TEC: variants seen among roughly 807,000 people sequenced by gnomAD.
TEC encodes tec protein tyrosine kinase.
Under a neutral mutation model 93.0 loss-of-function variants are expected in TEC, and 72 were observed. The ratio of observed to expected loss-of-function variants is 0.77; its 90% confidence interval spans 0.64 to 0.94. The LOEUF (loss-of-function observed/expected upper bound fraction) is 0.94, where lower values mean the gene tolerates loss of function less well. Among genes scored for constraint, TEC ranks in the 40% least tolerant of loss-of-function variants. The pLI is 0.00. For synonymous variants in TEC, 249 were observed against 247.7 expected (o/e 1.01, Z -0.05); for missense variants, 630 against 757.9 (o/e 0.83, Z 1.98).
At chr4:48,168,659 T>C in intron 5 of TEC, 33 bp from the exon 6 acceptor site, 2 of 1,593,016 alleles carry the variant, frequency 1.3e-6, no homozygotes, top group Non-Finnish European at 1.7e-6. Context: ...CAGATTAAAA[T>C]GCTATCTACC....
intron 2 of TEC, among the ~76,000 whole-genome samples, chr4:48,204,880 C>T (rs1421208625): frequency 6.6e-6 from 1 of 152,174 alleles, no homozygotes; most frequent in Non-Finnish European, 1.5e-5. Flanking sequence ...GCACCGAAAC[C>T]GGTACCAGTC....
chr4:48,252,895 C>T (rs1462238868), intron 1 of TEC, among the ~76,000 whole-genome samples: 1 of 152,204 alleles, frequency 6.6e-6, no homozygotes, highest in Non-Finnish European at 1.5e-5. Context: ...ACATTTACTG[C>T]ATGCTTGTTG....
At chr4:48,154,356 T>G (rs1385439881) in intron 9 of TEC, among the ~76,000 whole-genome samples, 1 of 152,246 alleles carries the variant, frequency 6.6e-6, no homozygotes, top group Non-Finnish European at 1.5e-5. Flanking sequence ...CTGCTGCTTC[T>G]GTGACCTTCT....
intron 2 of TEC, among the ~76,000 whole-genome samples, chr4:48,180,357 G>C (rs1224100050): frequency 6.6e-6 from 1 of 152,114 alleles, no homozygotes; most frequent in African/African-American, 2.4e-5. Context: ...GCACCATGCT[G>C]AGTGCTGGAG....
At chr4:48,216,243 G>GTA (rs1723073806) in intron 2 of TEC, among the ~76,000 whole-genome samples, 1 of 97,414 alleles carries the variant, frequency 1.0e-5, no homozygotes, top group Admixed American at 1.1e-4. Flanking sequence ...CTACGCCCCA[G>GTA]GAAAAAAAAA....
intron 4 of TEC, 127 bp downstream of exon 4, chr4:48,171,241 G>T (rs1426785441): frequency 2.7e-6 from 2 of 739,054 alleles, no homozygotes; most frequent in Non-Finnish European, 2.1e-6. Flanking sequence ...CATATCCTTG[G>T]AGAAACACTT....
At chr4:48,232,204 G>A (rs981819583) in intron 1 of TEC, among the ~76,000 whole-genome samples, 4 of 152,032 alleles carry the variant, frequency 2.6e-5, no homozygotes, top group South Asian at 2.1e-4. Context: ...CAGGAGAATC[G>A]TTTGAACCGG....
At chr4:48,265,704 G>A (rs1159306825) in intron 1 of TEC, among the ~76,000 whole-genome samples, 1 of 151,864 alleles carries the variant, frequency 6.6e-6, no homozygotes, top group Admixed American at 6.6e-5. Context: ...GCAGAGATGG[G>A]GTTTCACCAT....
chr4:48,262,386 G>C (rs999286972), intron 1 of TEC, among the ~76,000 whole-genome samples: 5 of 151,578 alleles, frequency 3.3e-5, no homozygotes, highest in Middle Eastern at 3.4e-3. Flanking sequence ...TAGTAAAGAT[G>C]GGGTTTCACC....
chr4:48,267,722 T>C (rs1724676786), intron 1 of TEC, among the ~76,000 whole-genome samples: 1 of 152,148 alleles, frequency 6.6e-6, no homozygotes, highest in Admixed American at 6.5e-5. Context: ...CCAAGGAGCA[T>C]CCACGGGGAA....
intron 2 of TEC, among the ~76,000 whole-genome samples, chr4:48,218,527 AT>A (rs1272594574): frequency 6.6e-6 from 1 of 152,214 alleles, no homozygotes; most frequent in Non-Finnish European, 1.5e-5. Flanking sequence ...ACAAGAAATT[AT>A]TCTTTTCCCA....
intron 2 of TEC, among the ~76,000 whole-genome samples, chr4:48,197,084 G>C (rs1722323765): frequency 1.3e-5 from 2 of 152,180 alleles, no homozygotes; most frequent in Non-Finnish European, 2.9e-5. Flanking sequence ...GACATATTTT[G>C]CCGGTTTGTC....
intron 12 of TEC, 66 bp from the exon 13 acceptor site, chr4:48,145,645 G>T: frequency 6.5e-7 from 1 of 1,550,120 alleles, no homozygotes; most frequent in Non-Finnish European, 8.8e-7. Context: ...CAGAGAGGGG[G>T]AAAAAGAACC....
intron 1 of TEC, among the ~76,000 whole-genome samples, chr4:48,232,406 C>T (rs1723674656): frequency 6.6e-6 from 1 of 152,202 alleles, no homozygotes; most frequent in Non-Finnish European, 1.5e-5. Context: ...CCATCTATCT[C>T]CCTCAAGAAA....
intron 1 of TEC, among the ~76,000 whole-genome samples, chr4:48,239,645 T>A (rs1238564817): frequency 6.6e-6 from 1 of 152,202 alleles, no homozygotes; most frequent in African/African-American, 2.4e-5. Flanking sequence ...ATTTTTAATA[T>A]GAAACATTCA....
intron 1 of TEC, among the ~76,000 whole-genome samples, chr4:48,229,901 C>G (rs1175614184): frequency 6.6e-6 from 1 of 151,570 alleles, no homozygotes. Context: ...TGGTGAAACC[C>G]CGTCTCTACT....
intron 1 of TEC, among the ~76,000 whole-genome samples, chr4:48,259,668 A>G (rs1034388773): frequency 1.3e-5 from 2 of 151,328 alleles, no homozygotes; most frequent in Non-Finnish European, 2.9e-5. Flanking sequence ...GTGAGTCGAG[A>G]TCATGCCACT....
At chr4:48,198,070 G>A (rs1057400329) in intron 2 of TEC, among the ~76,000 whole-genome samples, 4 of 151,980 alleles carry the variant, frequency 2.6e-5, no homozygotes, top group African/African-American at 7.2e-5. Context: ...AGCCCATTCC[G>A]CCCTTCCTGT....
intron 2 of TEC, among the ~76,000 whole-genome samples, chr4:48,213,369 G>T (rs1050286533): frequency 6.6e-6 from 1 of 152,158 alleles, no homozygotes; most frequent in African/African-American, 2.4e-5. Flanking sequence ...AATATGAAAA[G>T]TAAAAAAGGT....
Sources: gnomAD v4.1 joint callset for allele counts (sites outside exome capture counted in the v4.1 genomes callset) on GRCh38, gnomAD v4.1.1 for gene constraint, MANE v1.5 for transcripts, NCBI Gene and HGNC (gene_info 2026-07-23, HGNC 2026-07-21) for gene names.